Variants in PSD3 observed in about 807,000 individuals in gnomAD.
PSD3 encodes pleckstrin and Sec7 domain containing 3, also known as PH and SEC7 domain-containing protein 3.
In PSD3, 49 loss-of-function variants were observed where a neutral mutation model predicts 105.5. The observed-to-expected ratio is 0.46, with a 90% CI of 0.37 to 0.59. PSD3 has a LOEUF of 0.59. Among genes scored for constraint, PSD3 ranks in the 20% least tolerant of loss-of-function variants. PSD3 has a pLI of 0.00. For synonymous variants in PSD3, 557 were observed against 457.8 expected (o/e 1.22, Z -2.77); for missense variants, 1,561 against 1,263.8 (o/e 1.24, Z -3.57).
At position 18,624,714 on chromosome 8, in the gene PSD3, G is replaced by GA. The variant is rs199690199; in HGVS notation, c.2410+7898dup. On this transcript the variant is annotated intron_variant, in intron 11 of 15. Coordinates refer to ENST00000327040, the MANE Select transcript of PSD3 (RefSeq NM_015310.4). ...AAAAAAGAATAAAAGAAAAAATAATGAAAAAAAAAATTTCTTTATAAATAT... is the reference window on the plus strand; with the variant it reads ...AAAAAAGAATAAAAGAAAAAATAATGAAAAAAAAAAATTTCTTTATAAATAT... Among the ~76,000 whole-genome samples, 9 of 147,822 alleles carry GA rather than the reference G, an allele frequency of 6.1e-5. No homozygotes were observed. In the South Asian group the frequency reaches 6.5e-4, roughly 11 times the overall value.
chr8:18,905,401 G>A (rs952263533), intron 2 of PSD3, among the ~76,000 whole-genome samples: 2 of 152,132 alleles, frequency 1.3e-5, no homozygotes, highest in Admixed American at 6.5e-5. Context: ...TCAGCTCACT[G>A]TAACCTCCAC....
chr8:19,026,701 C>CAAAAAAAAAA (rs10669321), intron 1 of PSD3, among the ~76,000 whole-genome samples: 1 of 82,240 alleles, frequency 1.2e-5, no homozygotes, highest in Non-Finnish European at 2.3e-5. Flanking sequence ...CACATCTCTA[C>CAAAAAAAAAA]AAAAAAAAAA....
intron 12 of PSD3, 107 bp downstream of exon 12, chr8:18,600,257 G>T (rs1250071050): frequency 1.9e-6 from 2 of 1,054,616 alleles, no homozygotes. Context: ...CAAACAAACT[G>T]CAGAAAGTGA....
intron 14 of PSD3, among the ~76,000 whole-genome samples, chr8:18,567,506 G>A (rs1056800045): frequency 7.9e-5 from 12 of 152,034 alleles, no homozygotes; most frequent in African/African-American, 2.7e-4. Context: ...AAGTTGTAGT[G>A]TACTTATTAC....
At chr8:18,740,467 C>T (rs1358742595) in intron 9 of PSD3, among the ~76,000 whole-genome samples, 1 of 152,112 alleles carries the variant, frequency 6.6e-6, no homozygotes, top group Non-Finnish European at 1.5e-5. Flanking sequence ...CACCTTCAGT[C>T]CTGTTCTCTA....
At chr8:18,814,393 C>G (rs75040315) in intron 4 of PSD3, among the ~76,000 whole-genome samples, 4,445 of 152,262 alleles carry the variant, frequency 0.029, 140 homozygotes, top group African/African-American at 0.075. Flanking sequence ...TGCATTTGCT[C>G]CTGAGGCACT....
chr8:18,552,067 T>C (rs575702372), intron 15 of PSD3, among the ~76,000 whole-genome samples: 1 of 152,226 alleles, frequency 6.6e-6, no homozygotes, highest in Admixed American at 6.5e-5. Flanking sequence ...CAGTATTATG[T>C]TGGCCAAAGA....
rs573681285 is a variant in PSD3, at chr8:18,585,201, A to C, written c.2482-9916T>G. 7.9e-5 allele frequency among the ~76,000 whole-genome samples: 12 copies of C among 152,340 alleles called. 1 individual carries two copies. The South Asian group carries it at 1.9e-3, about 24-fold the overall frequency. On this transcript the variant is annotated intron_variant, in intron 12 of 15. Transcript: ENST00000327040. ...ATTTTTCAATAAAGGTACCAGGGAA[A>C]GTAAGGGCCTTTATTTGGATGGTTG...
In PSD3 at chr8:18,533,821, A is replaced by T. The variant is rs1245858195; in HGVS notation, c.*1922T>A. The T allele has an allele frequency of 6.6e-6, 1 of 152,174 alleles. No individual in the cohort carries two copies. The highest frequency in any genetic ancestry group is 1.9e-4 in the East Asian group (1 of 5,194). The allele number at this position is 152,174 out of a possible 1,614,324, so 9.4% of individuals were successfully genotyped here. On this transcript the variant is annotated 3_prime_UTR_variant, in exon 16 of 16. Coordinates refer to ENST00000327040, the MANE Select transcript of PSD3 (RefSeq NM_015310.4). The stretch of plus-strand genomic sequence containing the variant: ...GTGAGAGGCTACAAAAATCAATCTG[A>T]TACATGGGCCATATTGGTAACTATC...
At chr8:18,540,288 A>G (rs1800086759) in intron 15 of PSD3, among the ~76,000 whole-genome samples, 1 of 152,236 alleles carries the variant, frequency 6.6e-6, no homozygotes, top group South Asian at 2.1e-4. Context: ...TGTATGCTAT[A>G]AACAACTTTT....
chr8:18,982,541 A>C (rs1456462623), intron 1 of PSD3, among the ~76,000 whole-genome samples: 2 of 152,170 alleles, frequency 1.3e-5, no homozygotes, highest in Non-Finnish European at 2.9e-5. Context: ...ATATTTCTTA[A>C]ATAATAAGAC....
intron 9 of PSD3, among the ~76,000 whole-genome samples, chr8:18,722,759 C>T (rs1295254609): frequency 3.3e-5 from 5 of 152,190 alleles, no homozygotes; most frequent in Non-Finnish European, 7.3e-5. Flanking sequence ...CTCTGACCAG[C>T]GCCCCCTTCC....
chr8:18,876,101 CATGTAAAGAG>C (rs1466695503), intron 2 of PSD3, among the ~76,000 whole-genome samples: 2 of 151,968 alleles, frequency 1.3e-5, no homozygotes, highest in African/African-American at 4.8e-5. Context: ...TTATTTTTTA[CATGTAAAGAG>C]AGACAGGGTC....
At chr8:18,789,307 G>T (rs1302760330) in intron 8 of PSD3, among the ~76,000 whole-genome samples, 2 of 151,976 alleles carry the variant, frequency 1.3e-5, no homozygotes, top group Non-Finnish European at 2.9e-5. Context: ...CACTGCAACC[G>T]ACTATAAACA....
intron 2 of PSD3, among the ~76,000 whole-genome samples, chr8:18,929,080 T>A (rs868724563): frequency 6.6e-6 from 1 of 152,204 alleles, no homozygotes; most frequent in South Asian, 2.1e-4. Context: ...TTTTACACAT[T>A]AAATGGATGA....
intron 14 of PSD3, among the ~76,000 whole-genome samples, chr8:18,572,303 A>T (rs903563642): frequency 7.9e-5 from 12 of 152,216 alleles, no homozygotes; most frequent in Non-Finnish European, 1.3e-4. Flanking sequence ...TTAGAAACTG[A>T]ATCAAAGTAC....
At chr8:18,674,214 C>T (rs1799948333) in intron 9 of PSD3, among the ~76,000 whole-genome samples, 2 of 151,920 alleles carry the variant, frequency 1.3e-5, no homozygotes, top group South Asian at 2.1e-4. Flanking sequence ...TTCAGAAGGT[C>T]GACTTACTAA....
intron 12 of PSD3, among the ~76,000 whole-genome samples, chr8:18,596,284 C>T (rs1208138634): frequency 6.6e-6 from 1 of 151,846 alleles, no homozygotes; most frequent in Non-Finnish European, 1.5e-5. Context: ...TGGTAATAAA[C>T]ACTTAACATT....
intron 1 of PSD3, among the ~76,000 whole-genome samples, chr8:18,951,565 T>C (rs538237771): frequency 4.6e-5 from 7 of 152,336 alleles, no homozygotes; most frequent in African/African-American, 1.2e-4. Flanking sequence ...TTCTGGCTTC[T>C]TGAGGGTATT....
Sources: gnomAD v4.1 joint callset for allele counts (sites outside exome capture counted in the v4.1 genomes callset) on GRCh38, gnomAD v4.1.1 for gene constraint, MANE v1.5 for transcripts, NCBI Gene and HGNC (gene_info 2026-07-23, HGNC 2026-07-21) for gene names.